Variants in UBASH3A observed in about 807,000 individuals in gnomAD.
The protein encoded by UBASH3A is ubiquitin associated and SH3 domain containing A, also known as ubiquitin-associated and SH3 domain-containing protein A.
A neutral mutation model predicts 73.5 loss-of-function variants in UBASH3A; 63 were observed. The observed-to-expected ratio is 0.86, with a 90% CI of 0.70 to 1.06. UBASH3A has a LOEUF of 1.06. UBASH3A is among the 50% of genes least tolerant of loss of function. The pLI is 0.00. For missense variants in UBASH3A, 860 were observed against 859.0 expected, an observed-to-expected ratio of 1.00 and a Z score of -0.02; for synonymous variants, 363 against 351.1, an observed-to-expected ratio of 1.03 and a Z score of -0.38.
chr21:42,443,430 A>C lies in UBASH3A; in HGVS notation c.1738+12A>C, dbSNP rs745940591. Reference sequence around the variant, plus strand: ...CTGTCCACAGGACAGTAAGTGCCTCACCATCCTCAGTATGAACAGCCCCTG... The same window carrying C: ...CTGTCCACAGGACAGTAAGTGCCTCCCCATCCTCAGTATGAACAGCCCCTG... On this transcript the variant is annotated intron_variant, in intron 13 of 14. Transcript: ENST00000319294. The C allele has an allele frequency of 1.5e-5, 24 of 1,591,298 alleles. No homozygotes were observed. Among genetic ancestry groups the C allele is most frequent in the Non-Finnish European group, 2.0e-5 (23 of 1,168,644 alleles).
chr21:42,431,807 TAGAAA>T (rs2053536987), intron 8 of UBASH3A, among the ~76,000 whole-genome samples: 1 of 152,226 alleles, frequency 6.6e-6, no homozygotes. Flanking sequence ...GATAAGGACT[TAGAAA>T]AGACAGAAAA....
chr21:42,430,651 G>T (rs2053512068), intron 8 of UBASH3A, among the ~76,000 whole-genome samples: 1 of 152,182 alleles, frequency 6.6e-6, no homozygotes, highest in Non-Finnish European at 1.5e-5. Flanking sequence ...ACCTCCCGTG[G>T]CAGGCCGTGT....
rs755546594 is a variant in UBASH3A, at chr21:42,447,191, C to A, written c.1983C>A (p.Asn661Lys). The part of the protein sequence containing the change: ...AFNWRNWISG[N>K] Reference sequence around the variant, plus strand: ...ACTGGAGGAACTGGATCTCAGGCAACTGAGAGCCACGGTGATGTTGTCATA... The same window carrying A: ...ACTGGAGGAACTGGATCTCAGGCAAATGAGAGCCACGGTGATGTTGTCATA... Residue 661 changes from asparagine (N) to lysine (K), a missense_variant, in exon 15 of 15, where the codon AAC becomes AAA. Asn to Lys is a moderately conservative substitution (Grantham distance 94). Transcript: ENST00000319294. 1.2e-6 allele frequency: 2 copies of A among 1,613,766 alleles called. No homozygotes were observed. The highest frequency in any genetic ancestry group is 3.3e-5 in the Admixed American group (2 of 59,952).
At chr21:42,409,288 CA>C in intron 2 of UBASH3A, 133 bp from the exon 3 acceptor site, 1 of 885,764 alleles carries the variant, frequency 1.1e-6, no homozygotes, top group South Asian at 1.9e-5. Context: ...TAATTTATGT[CA>C]TGAGCATATA....
At chr21:42,430,602 C>T (rs988558601) in intron 8 of UBASH3A, among the ~76,000 whole-genome samples, 1 of 152,194 alleles carries the variant, frequency 6.6e-6, no homozygotes, top group African/African-American at 2.4e-5. Context: ...GTCGCCTGGG[C>T]TCCAGGCAGG....
At chr21:42,411,043 GCA>G (rs2053083687) in intron 3 of UBASH3A, among the ~76,000 whole-genome samples, 1 of 137,840 alleles carries the variant, frequency 7.3e-6, no homozygotes, top group Non-Finnish European at 1.5e-5. Context: ...CGTACACACG[GCA>G]CACACAGATA....
At chr21:42,425,185 T>C (rs2839508) in intron 7 of UBASH3A, among the ~76,000 whole-genome samples, 72,521 of 152,124 alleles carry the variant, frequency 0.48, 17,561 homozygotes, top group African/African-American at 0.53. Flanking sequence ...TGTAAGTTAC[T>C]GTCAAGAGGC....
chr21:42,429,101 T>C (rs2053487747), intron 8 of UBASH3A, among the ~76,000 whole-genome samples: 1 of 152,182 alleles, frequency 6.6e-6, no homozygotes, highest in African/African-American at 2.4e-5. Context: ...GAGGAGGCCA[T>C]GCAGCCAGAG....
intron 7 of UBASH3A, among the ~76,000 whole-genome samples, chr21:42,423,941 G>A (rs1336593968): frequency 2.6e-5 from 4 of 152,116 alleles, no homozygotes; most frequent in East Asian, 1.9e-4. Flanking sequence ...GATGACGGGA[G>A]CTGTTGGACT....
intron 2 of UBASH3A, 41 bp downstream of exon 2, chr21:42,406,402 T>C: frequency 1.3e-6 from 2 of 1,555,854 alleles, no homozygotes; most frequent in Non-Finnish European, 1.8e-6. Context: ...GCGTTTGGGC[T>C]GAATTCCCTG....
intron 8 of UBASH3A, among the ~76,000 whole-genome samples, chr21:42,428,615 A>C (rs138272882): frequency 5.9e-4 from 90 of 152,124 alleles, no homozygotes; most frequent in African/African-American, 2.1e-3. Context: ...AGTGACTTAA[A>C]TGTTAATCTC....
chr21:42,409,401 C>T (rs1413616087), intron 2 of UBASH3A, 21 bp from the exon 3 acceptor site: 1 of 1,524,096 alleles, frequency 6.6e-7, no homozygotes, highest in Non-Finnish European at 8.8e-7. Context: ...GTGGGTGATG[C>T]CGGCTTGCTC....
At chr21:42,409,997 C>G in intron 3 of UBASH3A, 1 of 686,596 alleles carries the variant, frequency 1.5e-6, no homozygotes, top group East Asian at 2.7e-5. Flanking sequence ...CATCTTTGCA[C>G]CCCCAGAAAC....
At chr21:42,419,541 T>C (rs553938145) in intron 7 of UBASH3A, among the ~76,000 whole-genome samples, 3 of 152,222 alleles carry the variant, frequency 2.0e-5, no homozygotes, top group Admixed American at 1.3e-4. Flanking sequence ...CATTCCTTTC[T>C]GAGTTCTCCC....
At chr21:42,407,507 G>A (rs1168031551) in intron 2 of UBASH3A, among the ~76,000 whole-genome samples, 1 of 152,192 alleles carries the variant, frequency 6.6e-6, no homozygotes, top group African/African-American at 2.4e-5. Context: ...ATAAGACTAG[G>A]AACCCCACCA....
In UBASH3A at chr21:42,447,182, C is replaced by G. The variant is rs780410467; in HGVS notation, c.1974C>G (p.Ile658Met). The change falls in exon 15 of 15, where the codon ATC (isoleucine) becomes ATG (methionine). Residue 658 changes from isoleucine (I) to methionine (M), a missense_variant. By Grantham distance (10) the Ile-to-Met change is conservative. Coordinates refer to ENST00000319294, the MANE Select transcript of UBASH3A (RefSeq NM_018961.4). ...ANAAFNWRNW[I>M]SGN ...CAGCATTTAACTGGAGGAACTGGAT[C>G]TCAGGCAACTGAGAGCCACGGTGAT... 2.0e-5 allele frequency: 33 copies of G among 1,613,938 alleles called. No homozygotes were observed. The South Asian group carries it at 2.3e-4, about 11-fold the overall frequency.
chr21:42,413,220 C>A lies in UBASH3A; in HGVS notation c.551C>A (p.Ala184Glu), dbSNP rs775096511. The stretch of plus-strand genomic sequence containing the variant: ...TTCGCCACGGAAGCATCTCTCTTAG[C>A]AGGTGGGCAGCCCTGGCCAGTTGCA... ...MTFATEASLL[A>E]GTSVSRFWIF... Residue 184 changes from alanine (A) to glutamate (E), a missense_variant and splice_region_variant, in exon 4 of 15, where the codon GCA becomes GAA. By Grantham distance (107) the Ala-to-Glu change is moderately radical (BLOSUM62 -1). Transcript: ENST00000319294. The surrounding 1 kb of genome is among the most constrained non-coding windows in gnomAD (Gnocchi z 4.5). 6.2e-7 allele frequency: 1 copy of A among 1,614,190 alleles called. No individual in the cohort carries two copies. The highest frequency in any genetic ancestry group is 1.1e-5 in the South Asian group (1 of 91,082).
chr21:42,431,912 G>A (rs2053538241), intron 8 of UBASH3A, among the ~76,000 whole-genome samples, 191 bp from the exon 9 acceptor site: 1 of 152,166 alleles, frequency 6.6e-6, no homozygotes. Flanking sequence ...AACATTGGAA[G>A]AAATTGAAGA....
chr21:42,436,446 T>A (rs565937195), intron 10 of UBASH3A, among the ~76,000 whole-genome samples: 6 of 152,300 alleles, frequency 3.9e-5, no homozygotes, highest in South Asian at 2.1e-4. Context: ...AGGTGACATT[T>A]TCTGTCTTCC....
Sources: gnomAD v4.1 joint callset for allele counts (sites outside exome capture counted in the v4.1 genomes callset) on GRCh38, gnomAD v4.1.1 for gene constraint, Gnocchi (gnomAD v3.1) non-coding constraint, MANE v1.5 for transcripts, NCBI Gene and HGNC (gene_info 2026-07-23, HGNC 2026-07-21) for gene names.